The following RAE1 variants were observed in gnomAD, a reference collection of about 807,000 sequenced individuals.
RAE1 encodes mRNA export factor RAE1.
In RAE1, 13 loss-of-function variants were observed where a neutral mutation model predicts 52.7. The ratio of observed to expected loss-of-function variants is 0.25; its 90% confidence interval spans 0.16 to 0.39. The LOEUF (loss-of-function observed/expected upper bound fraction) is 0.39. Ranked by LOEUF, RAE1 falls within the 10% of genes least tolerant of loss-of-function variation. The pLI is 1.00. For synonymous variants in RAE1, 164 were observed against 153.1 expected (o/e 1.07, Z -0.52); for missense variants, 262 against 459.8 (o/e 0.57, Z 3.93).
chr20:57,360,427 T>G (rs930132982), intron 4 of RAE1, among the ~76,000 whole-genome samples: 1 of 152,176 alleles, frequency 6.6e-6, no homozygotes, highest in African/African-American at 2.4e-5. Context: ...CAAGAGGTGG[T>G]GAGACGTATC....
intron 11 of RAE1, 178 bp downstream of exon 11, chr20:57,374,979 A>C: frequency 1.3e-6 from 1 of 760,844 alleles, no homozygotes; most frequent in South Asian, 1.4e-5. Context: ...GTGGGGATTC[A>C]GTACAGCCTT....
intron 8 of RAE1, 85 bp from the exon 9 acceptor site, chr20:57,373,390 A>G (rs942201181): frequency 8.3e-6 from 11 of 1,332,698 alleles, no homozygotes; most frequent in African/African-American, 4.4e-5. Flanking sequence ...AAACCTAAAC[A>G]TGGGGTAAAA....
intron 1 of RAE1, chr20:57,351,829 G>A (rs1359186633): frequency 1.0e-6 from 1 of 985,306 alleles, no homozygotes; most frequent in African/African-American, 1.7e-5. Flanking sequence ...GCAGTTACCA[G>A]TCTCTGAAAC....
chr20:57,373,371 G>A, intron 8 of RAE1, 104 bp from the exon 9 acceptor site: 1 of 1,103,692 alleles, frequency 9.1e-7, no homozygotes, highest in Non-Finnish European at 1.3e-6. Context: ...ATTTTTTCTG[G>A]TTCTTCTAAA....
intron 4 of RAE1, among the ~76,000 whole-genome samples, chr20:57,360,216 C>T (rs1489816816): frequency 6.6e-6 from 1 of 152,204 alleles, no homozygotes; most frequent in Non-Finnish European, 1.5e-5. Context: ...CAACCAAGCA[C>T]TCTGCTCTTG....
intron 7 of RAE1, 44 bp downstream of exon 7, chr20:57,367,123 C>T (rs2066966415): frequency 7.0e-7 from 1 of 1,425,268 alleles, no homozygotes; most frequent in East Asian, 2.3e-5. Context: ...AAAAAAAAAA[C>T]AAAATAAGTA....
intron 1 of RAE1, chr20:57,352,033 G>A (rs569139563): frequency 1.2e-5 from 11 of 939,458 alleles, no homozygotes; most frequent in African/African-American, 7.1e-5. Context: ...AGCATTCTGG[G>A]GGGGAAGAGA....
intron 8 of RAE1, among the ~76,000 whole-genome samples, chr20:57,369,676 T>C (rs190805041): frequency 1.1e-4 from 16 of 152,356 alleles, no homozygotes; most frequent in African/African-American, 3.6e-4. Context: ...CAACTCTGTC[T>C]GCATCATGCC....
intron 4 of RAE1, 124 bp downstream of exon 4, chr20:57,356,662 CATAA>C (rs760311748): frequency 1.1e-4 from 100 of 890,534 alleles, no homozygotes; most frequent in Non-Finnish European, 1.3e-4. Context: ...AGTTTCTGAA[CATAA>C]ATATAGTCAT....
chr20:57,375,056 GGCACAGAA>G (rs2146180082), intron 11 of RAE1: 1 of 701,662 alleles, frequency 1.4e-6, no homozygotes, highest in East Asian at 2.7e-5. Context: ...TCTGTTCCTG[GGCACAGAA>G]GCACAGGCAA....
chr20:57,366,631 G>A (rs559049617), intron 5 of RAE1, among the ~76,000 whole-genome samples, 176 bp from the exon 6 acceptor site: 21 of 151,932 alleles, frequency 1.4e-4, no homozygotes, highest in African/African-American at 4.6e-4. Context: ...ATTTGGTGGG[G>A]ACATGCAAAC....
chr20:57,377,497 C>T (rs916691174), intron 11 of RAE1, among the ~76,000 whole-genome samples: 4 of 152,230 alleles, frequency 2.6e-5, no homozygotes, highest in African/African-American at 4.8e-5. Context: ...GCATCCCCTC[C>T]GGTGTGGGCC....
chr20:57,376,720 C>T (rs1229196051), intron 11 of RAE1, among the ~76,000 whole-genome samples: 2 of 152,144 alleles, frequency 1.3e-5, no homozygotes, highest in South Asian at 2.1e-4. Flanking sequence ...GCGTGGAGCC[C>T]GAGGCCTCAG....
intron 1 of RAE1, chr20:57,351,641 C>T (rs1348882333): frequency 7.1e-6 from 7 of 985,506 alleles, no homozygotes; most frequent in Admixed American, 6.1e-5. Context: ...GGGAACTGAG[C>T]CTCTGGGAAG....
At chr20:57,357,971 G>C (rs1415840968) in intron 4 of RAE1, 1 of 149,896 alleles carries the variant, frequency 6.7e-6, no homozygotes, top group Non-Finnish European at 1.5e-5. Flanking sequence ...GTGGGCCACA[G>C]CTCATAGTGC....
chr20:57,351,399 T>C lies in RAE1; in HGVS notation c.-31T>C. 2 of 985,452 alleles carry C rather than the reference T, an allele frequency of 2.0e-6. No individual in the cohort carries two copies. Among genetic ancestry groups the C allele is most frequent in the South Asian group, 9.4e-5 (2 of 21,294 alleles). The allele number at this position is 985,452 out of a possible 1,614,324, so 61.0% of individuals were successfully genotyped here. A position where few individuals can be genotyped will look rare whatever the true frequency, so the allele number is the denominator to read the frequency against. On this transcript the variant is annotated 5_prime_UTR_variant, in exon 1 of 12. Coordinates refer to ENST00000395841, the MANE Select transcript of RAE1 (RefSeq NM_003610.4). ...AGACCCTTCTGCTCCCGGCCGCCGC[T>C]TTCCGCCGGGGCGAGACCCCCAGGT...
intron 5 of RAE1, among the ~76,000 whole-genome samples, 165 bp from the exon 6 acceptor site, chr20:57,366,640 ACT>A (rs111429306): frequency 0.038 from 5,777 of 152,106 alleles, 150 homozygotes; most frequent in African/African-American, 0.082. Context: ...GGACATGCAA[ACT>A]CTGTCAGTGA....
chr20:57,356,567 A>G (rs767580364), intron 4 of RAE1, 29 bp downstream of exon 4: 4 of 1,556,170 alleles, frequency 2.6e-6, no homozygotes, highest in Non-Finnish European at 3.5e-6. Flanking sequence ...CTCGTGTTCC[A>G]TTTTACTTAA....
rs1204971625 is a variant in RAE1 at position 57,351,403 on chromosome 20, C to T, written c.-27C>T. On this transcript the variant is annotated 5_prime_UTR_variant, in exon 1 of 12. Coordinates refer to ENST00000395841, the MANE Select transcript of RAE1 (RefSeq NM_003610.4). ...CCTTCTGCTCCCGGCCGCCGCTTTCCGCCGGGGCGAGACCCCCAGGTAGGC... is the reference window on the plus strand; with the variant it reads ...CCTTCTGCTCCCGGCCGCCGCTTTCTGCCGGGGCGAGACCCCCAGGTAGGC... 3.0e-6 allele frequency: 3 copies of T among 985,384 alleles called. No homozygotes were observed. The highest frequency in any genetic ancestry group is 3.5e-5 in the African/African-American group (2 of 57,236). The allele number at this position is 985,384 out of a possible 1,614,324, so 61.0% of individuals were successfully genotyped here.
Sources: allele counts gnomAD v4.1 joint callset (sites outside exome capture counted in the v4.1 genomes callset), GRCh38; gene constraint gnomAD v4.1.1; transcripts MANE v1.5; gene names NCBI Gene and HGNC (gene_info 2026-07-23, HGNC 2026-07-21).